Variants in DGKB observed in about 807,000 individuals in gnomAD.
DGKB encodes the protein 90 kDa diacylglycerol kinase.
A neutral mutation model predicts 114.3 loss-of-function variants in DGKB; 67 were observed. The ratio of observed to expected loss-of-function variants is 0.59; its 90% CI spans 0.48 to 0.72. The LOEUF (loss-of-function observed/expected upper bound fraction) is 0.72. DGKB is among the 30% of genes least tolerant of loss of function. The probability of loss-of-function intolerance (pLI) is 0.00; values close to 1 mark genes in which losing one functional copy is unlikely to be tolerated. For synonymous variants in DGKB, 398 were observed against 323.1 expected (o/e 1.23, Z -2.49); for missense variants, 907 against 975.2 (o/e 0.93, Z 0.93).
In DGKB at chr7:14,751,062, G is replaced by A. The variant is rs567607173; in HGVS notation, c.168+2866C>T. Among the ~76,000 whole-genome samples the A allele has an allele frequency of 5.1e-4, 77 of 151,926 alleles. 2 individuals carry two copies. In the South Asian group the frequency reaches 0.013, roughly 25 times the overall value. On this transcript the variant is annotated intron_variant, in intron 4 of 25. Transcript: ENST00000402815. ...CCTGACCCCCAAATGACTGGCCCAC[G>A]TTGGCCTCCCAAAGTGCTGGGATTA... is the stretch of plus-strand genomic sequence containing the variant.
intron 23 of DGKB, among the ~76,000 whole-genome samples, chr7:14,231,103 C>CTTTG (rs1359873166): frequency 8.4e-6 from 1 of 119,544 alleles, no homozygotes; most frequent in Non-Finnish European, 1.8e-5. Context: ...TTCTTTCTTT[C>CTTTG]TTTCTTTCTT....
chr7:14,504,366 C>T (rs774886126), intron 20 of DGKB, among the ~76,000 whole-genome samples: 1 of 152,162 alleles, frequency 6.6e-6, no homozygotes, highest in African/African-American at 2.4e-5. Flanking sequence ...GGACAATCAG[C>T]TGGAGTTCAG....
chr7:14,733,545 G>C (rs1295333927), intron 5 of DGKB, among the ~76,000 whole-genome samples: 1 of 151,840 alleles, frequency 6.6e-6, no homozygotes, highest in East Asian at 1.9e-4. Flanking sequence ...AAATTGGCTG[G>C]GCATTTTGGC....
At chr7:14,218,398 C>T (rs1789352858) in intron 23 of DGKB, among the ~76,000 whole-genome samples, 1 of 152,054 alleles carries the variant, frequency 6.6e-6, no homozygotes, top group Non-Finnish European at 1.5e-5. Flanking sequence ...CTTGCAAAAG[C>T]ATTCAATAGT....
intron 1 of DGKB, among the ~76,000 whole-genome samples, chr7:14,934,728 A>C (rs1785190499): frequency 6.6e-6 from 1 of 152,222 alleles, no homozygotes; most frequent in South Asian, 2.1e-4. Context: ...TTTAAGAATT[A>C]ATACTGAAGC....
chr7:14,487,087 A>C (rs372305536), intron 20 of DGKB, among the ~76,000 whole-genome samples: 11 of 152,250 alleles, frequency 7.2e-5, no homozygotes, highest in African/African-American at 2.6e-4. Context: ...TGGTGGGCAG[A>C]GTGTGTAGGG....
chr7:14,710,277 T>G (rs1255426189), intron 6 of DGKB, among the ~76,000 whole-genome samples: 1 of 152,138 alleles, frequency 6.6e-6, no homozygotes, highest in Non-Finnish European at 1.5e-5. Flanking sequence ...TTTGATTTGA[T>G]AAATGGTAAA....
chr7:14,467,229 TTA>T (rs1168487698), intron 21 of DGKB, among the ~76,000 whole-genome samples: 3 of 149,390 alleles, frequency 2.0e-5, no homozygotes, highest in African/African-American at 7.3e-5. Context: ...ACATACTTAT[TTA>T]TATAACTATT....
In DGKB at chr7:14,186,213, T is replaced by C. The variant is rs541256759; in HGVS notation, c.2123-8062A>G. ...TCAAAAAGTGGGCTAAGGACATGAA[T>C]AGACAATCCTCAAAAGAAGATATAC... On this transcript the variant is annotated intron_variant, in intron 23 of 25. Coordinates refer to ENST00000402815, the MANE Select transcript of DGKB (RefSeq NM_001350709.2). Among the ~76,000 whole-genome samples, 7 of 152,200 alleles carry C rather than the reference T, an allele frequency of 4.6e-5. No individual in the cohort carries two copies. The East Asian group carries it at 9.7e-4, about 21-fold the overall frequency.
chr7:14,326,383 G>A (rs1808730722), intron 23 of DGKB, among the ~76,000 whole-genome samples: 1 of 152,014 alleles, frequency 6.6e-6, no homozygotes, highest in African/African-American at 2.4e-5. Flanking sequence ...AGTCAGTACA[G>A]TATTAGAACT....
upstream of DGKB, among the ~76,000 whole-genome samples, chr7:14,907,009 T>C (rs1783745352): frequency 6.6e-6 from 1 of 152,208 alleles, no homozygotes; most frequent in Non-Finnish European, 1.5e-5. Flanking sequence ...TTTAAATCCT[T>C]ACCAACTTTG....
intron 20 of DGKB, among the ~76,000 whole-genome samples, chr7:14,503,062 A>G (rs1009023374): frequency 5.9e-5 from 9 of 152,044 alleles, no homozygotes; most frequent in Non-Finnish European, 1.3e-4. Flanking sequence ...CTCCCTTGTG[A>G]TTTATGCCTC....
intron 1 of DGKB, among the ~76,000 whole-genome samples, chr7:14,926,533 T>C (rs1177710658): frequency 6.6e-6 from 1 of 151,338 alleles, no homozygotes; most frequent in Non-Finnish European, 1.5e-5. Context: ...GGAGGATCTG[T>C]GAAGAATAAG....
At chr7:14,199,128 T>C (rs1336558327) in intron 23 of DGKB, among the ~76,000 whole-genome samples, 1 of 152,030 alleles carries the variant, frequency 6.6e-6, no homozygotes, top group Non-Finnish European at 1.5e-5. Flanking sequence ...ATTTTTTTGC[T>C]CATTCTCTTT....
intron 16 of DGKB, 126 bp downstream of exon 16, chr7:14,613,214 G>C (rs752743133): frequency 3.0e-5 from 18 of 604,960 alleles, no homozygotes; most frequent in Non-Finnish European, 5.3e-5. Context: ...TTAAATGCTA[G>C]CATCATTTAT....
At chr7:14,614,999 C>T (rs1391108161) in intron 15 of DGKB, among the ~76,000 whole-genome samples, 1 of 152,006 alleles carries the variant, frequency 6.6e-6, no homozygotes, top group Non-Finnish European at 1.5e-5. Context: ...CCCTTCCTCC[C>T]ATTAAAAACT....
At chr7:14,290,761 G>C (rs757271475) in intron 23 of DGKB, among the ~76,000 whole-genome samples, 1 of 152,088 alleles carries the variant, frequency 6.6e-6, no homozygotes, top group Non-Finnish European at 1.5e-5. Flanking sequence ...ACATCTCTGT[G>C]GACAATAATA....
At chr7:14,878,259 A>T (rs2128208548) in intron 1 of DGKB, among the ~76,000 whole-genome samples, 1 of 152,306 alleles carries the variant, frequency 6.6e-6, no homozygotes, top group East Asian at 1.9e-4. Flanking sequence ...CTGCATTCAC[A>T]AATGGAAATG....
At chr7:14,695,102 G>C (rs377307544) in intron 8 of DGKB, among the ~76,000 whole-genome samples, 9 of 152,176 alleles carry the variant, frequency 5.9e-5, no homozygotes, top group African/African-American at 1.7e-4. Flanking sequence ...TGCAATGCAT[G>C]AAATATTTGA....
Sources: allele counts gnomAD v4.1 joint callset (sites outside exome capture counted in the v4.1 genomes callset), GRCh38; gene constraint gnomAD v4.1.1; transcripts MANE v1.5; gene names NCBI Gene and HGNC (gene_info 2026-07-23, HGNC 2026-07-21).